Variants in DGKB observed in about 807,000 individuals in gnomAD.
The protein encoded by DGKB is diacylglycerol kinase beta.
DGKB carries 67 observed loss-of-function variants against 114.3 expected under a neutral mutation model. The observed-to-expected ratio is 0.59, with a 90% CI of 0.48 to 0.72. The LOEUF (loss-of-function observed/expected upper bound fraction) is 0.72, where lower values mean the gene tolerates loss of function less well. DGKB is among the 30% of genes least tolerant of loss of function. The probability of loss-of-function intolerance (pLI) is 0.00; values close to 1 mark genes in which losing one functional copy is unlikely to be tolerated. For synonymous variants in DGKB, 398 were observed against 323.1 expected (o/e 1.23, Z -2.49); for missense variants, 907 against 975.2 (o/e 0.93, Z 0.93).
At chr7:14,774,407 G>A (rs17168419) in intron 2 of DGKB, among the ~76,000 whole-genome samples, 14,307 of 152,098 alleles carry the variant, frequency 0.094, 843 homozygotes, top group East Asian at 0.24. Flanking sequence ...CTGAAGTTAC[G>A]GAAAAGCCAA....
intron 2 of DGKB, among the ~76,000 whole-genome samples, chr7:14,783,317 A>C (rs1839396057): frequency 6.6e-6 from 1 of 152,208 alleles, no homozygotes; most frequent in Non-Finnish European, 1.5e-5. Context: ...AGAATTTCAA[A>C]ACTCGGATTC....
At chr7:14,884,136 G>A (rs1467500147) in intron 1 of DGKB, among the ~76,000 whole-genome samples, 1 of 151,934 alleles carries the variant, frequency 6.6e-6, no homozygotes. Context: ...AGTGATCTCT[G>A]TTGTTGCAGT....
intron 17 of DGKB, among the ~76,000 whole-genome samples, chr7:14,594,191 T>C (rs1021126873): frequency 1.3e-5 from 2 of 152,084 alleles, no homozygotes; most frequent in African/African-American, 4.8e-5. Context: ...GTAAGTGTGT[T>C]TTTTACATTA....
intron 4 of DGKB, among the ~76,000 whole-genome samples, chr7:14,747,357 T>G (rs184541542): frequency 1.6e-4 from 21 of 127,482 alleles, no homozygotes; most frequent in Non-Finnish European, 2.9e-4. Flanking sequence ...CATGCCTGGC[T>G]AATAGTTTTT....
intron 25 of DGKB, among the ~76,000 whole-genome samples, chr7:14,159,412 A>G (rs1783524533): frequency 6.6e-6 from 1 of 152,192 alleles, no homozygotes; most frequent in African/African-American, 2.4e-5. Flanking sequence ...GTCACAGTAT[A>G]ATAGTACCAC....
intron 17 of DGKB, among the ~76,000 whole-genome samples, chr7:14,598,326 TAAAG>T (rs1802944455): frequency 1.3e-5 from 2 of 152,190 alleles, no homozygotes; most frequent in Non-Finnish European, 2.9e-5. Context: ...ATAATACACA[TAAAG>T]AAACTTGGAA....
rs1831116308 is a variant in DGKB at position 14,449,075 on chromosome 7, C to A, written c.1835+29086G>T. ...AACTACAGAGTAAGTTAAACCATGT[C>A]ATTTCTCAAAGAATCTATGTCTACC... On this transcript the variant is annotated intron_variant, in intron 21 of 25. Transcript: ENST00000402815. 2.6e-5 allele frequency among the ~76,000 whole-genome samples: 4 copies of A among 152,176 alleles called. No homozygotes were observed. The South Asian group carries it at 8.3e-4, about 32-fold the overall frequency.
chr7:14,838,287 A>G (rs951225722), intron 2 of DGKB, among the ~76,000 whole-genome samples: 11 of 152,290 alleles, frequency 7.2e-5, no homozygotes, highest in Admixed American at 4.6e-4. Flanking sequence ...TGGAATTTCT[A>G]TATCTGAGCA....
At chr7:14,561,017 T>A (rs1796581239) in intron 20 of DGKB, among the ~76,000 whole-genome samples, 1 of 152,222 alleles carries the variant, frequency 6.6e-6, no homozygotes, top group South Asian at 2.1e-4. Flanking sequence ...TTTGTTCAAT[T>A]TTCTACCCAT....
chr7:14,780,634 T>TA (rs1460780725), intron 2 of DGKB, among the ~76,000 whole-genome samples: 1 of 151,950 alleles, frequency 6.6e-6, no homozygotes, highest in African/African-American at 2.4e-5. Flanking sequence ...TCCACAGATT[T>TA]TTTTTTCACA....
chr7:14,766,712 T>C (rs932706808), intron 2 of DGKB, among the ~76,000 whole-genome samples: 3 of 151,758 alleles, frequency 2.0e-5, no homozygotes, highest in Non-Finnish European at 2.9e-5. Flanking sequence ...TGTATAGTGA[T>C]TGTAGATAGA....
At chr7:14,311,190 T>C (rs1805336591) in intron 23 of DGKB, among the ~76,000 whole-genome samples, 2 of 152,092 alleles carry the variant, frequency 1.3e-5, no homozygotes, top group African/African-American at 2.4e-5. Flanking sequence ...ACTGATTCCA[T>C]ACTCCTAATA....
chr7:14,495,873 A>G (rs1785232248), intron 20 of DGKB, among the ~76,000 whole-genome samples: 1 of 151,828 alleles, frequency 6.6e-6, no homozygotes, highest in African/African-American at 2.4e-5. Flanking sequence ...CAGAACATTC[A>G]TTGCAATCAG....
At chr7:14,620,300 T>C (rs1807372816) in intron 15 of DGKB, among the ~76,000 whole-genome samples, 1 of 151,228 alleles carries the variant, frequency 6.6e-6, no homozygotes. Context: ...TCACAATGGA[T>C]TTTTAGATAA....
At chr7:14,491,176 C>T (rs912145146) in intron 20 of DGKB, among the ~76,000 whole-genome samples, 1 of 151,930 alleles carries the variant, frequency 6.6e-6, no homozygotes, top group African/African-American at 2.4e-5. Flanking sequence ...CCATAATTCC[C>T]ATGTGTTATG....
chr7:14,850,525 T>C (rs1849214170), intron 1 of DGKB, among the ~76,000 whole-genome samples: 2 of 152,148 alleles, frequency 1.3e-5, no homozygotes, highest in South Asian at 2.1e-4. Flanking sequence ...TGGATACAGA[T>C]GCAAGTAGTT....
intron 21 of DGKB, among the ~76,000 whole-genome samples, chr7:14,417,868 G>A (rs974517702): frequency 4.0e-5 from 6 of 151,416 alleles, no homozygotes; most frequent in African/African-American, 1.4e-4. Context: ...CAGTAAAAAA[G>A]GAGAGAAAAT....
chr7:14,846,352 T>C (rs1848627495), intron 1 of DGKB, among the ~76,000 whole-genome samples: 1 of 152,196 alleles, frequency 6.6e-6, no homozygotes. Context: ...TGTAGCTAAA[T>C]AGTAAAAATA....
intron 1 of DGKB, among the ~76,000 whole-genome samples, chr7:14,857,791 T>G (rs909933866): frequency 1.3e-5 from 2 of 152,074 alleles, no homozygotes; most frequent in African/African-American, 4.8e-5. Flanking sequence ...TGGTACTAGT[T>G]GGTGCCTTTT....
Sources: allele counts gnomAD v4.1 joint callset (sites outside exome capture counted in the v4.1 genomes callset), GRCh38; gene constraint gnomAD v4.1.1; transcripts MANE v1.5; gene names NCBI Gene and HGNC (gene_info 2026-07-23, HGNC 2026-07-21).